KLHL1: variants seen among roughly 807,000 people sequenced by gnomAD.
The protein encoded by KLHL1 is kelch like family member 1, also known as kelch-like protein 1.
Under a neutral mutation model 77.7 loss-of-function variants are expected in KLHL1, and 47 were observed. That is an observed-to-expected ratio of 0.60 (90% CI 0.48 to 0.77). The LOEUF is 0.77. KLHL1 is among the 30% of genes least tolerant of loss of function. The probability of loss-of-function intolerance (pLI) is 0.00; values close to 1 mark genes in which losing one functional copy is unlikely to be tolerated. For missense variants in KLHL1, 925 were observed against 910.8 expected (o/e 1.02, Z -0.20); for synonymous variants, 360 against 325.2 (o/e 1.11, Z -1.15).
At chr13:69,807,109 G>A (rs1172807537) in intron 6 of KLHL1, among the ~76,000 whole-genome samples, 7 of 152,140 alleles carry the variant, frequency 4.6e-5, no homozygotes, top group Non-Finnish European at 7.3e-5. Flanking sequence ...ACTGTCACCT[G>A]ATCAAGGACT....
Position 69,882,468 on chromosome 13 carries a change from G to T in KLHL1, c.1042C>A (p.Gln348Lys), listed in dbSNP as rs1202021386. ...MENIMEVIRN[Q>K]EFLLLPAEEL... is the part of the protein sequence containing the mutation. ...TCAGCTGGAAGGAGTAAAAACTCTT[G>T]ATTTCTGATAACTTCCATTATGTTT... Residue 348 changes from glutamine to lysine, a missense_variant, in exon 5 of 11, where the codon CAA (glutamine) becomes AAA (lysine). Physicochemically the swap from Gln to Lys is moderately conservative, Grantham distance 53. Transcript: ENST00000377844. 1 of 1,613,200 alleles carries T rather than the reference G, an allele frequency of 6.2e-7. No individual in the cohort carries two copies. The highest frequency in any genetic ancestry group is 1.7e-5 in the Admixed American group (1 of 60,010).
At chr13:69,949,469 G>T (rs74090639) in intron 3 of KLHL1, among the ~76,000 whole-genome samples, 1 of 151,540 alleles carries the variant, frequency 6.6e-6, no homozygotes, top group East Asian at 1.9e-4. Flanking sequence ...CATTATCAAC[G>T]TGACTTATCA....
At chr13:69,997,210 G>T in intron 1 of KLHL1, among the ~76,000 whole-genome samples, 1 of 151,556 alleles carries the variant, frequency 6.6e-6, no homozygotes, top group Admixed American at 6.6e-5. Flanking sequence ...TACAGAGTGA[G>T]ACTCTGTCTC....
At chr13:69,781,768 T>C (rs1309443700) in intron 7 of KLHL1, among the ~76,000 whole-genome samples, 1 of 152,184 alleles carries the variant, frequency 6.6e-6, no homozygotes, top group Non-Finnish European at 1.5e-5. Context: ...TTTTAGAAGC[T>C]CTGTGTTGTA....
At chr13:69,982,188 C>T (rs1884728891) in intron 1 of KLHL1, among the ~76,000 whole-genome samples, 1 of 151,800 alleles carries the variant, frequency 6.6e-6, no homozygotes, top group Admixed American at 6.6e-5. Flanking sequence ...AATCCTAGCA[C>T]TTTGGGAGGC....
chr13:70,107,999 A>T lies in KLHL1; in HGVS notation c.-300T>A, dbSNP rs1888119008. On this transcript the variant is annotated 5_prime_UTR_variant, in exon 1 of 11. Coordinates refer to ENST00000377844, the MANE Select transcript of KLHL1 (RefSeq NM_020866.3). ...GCTGAGAATCCTCGATGCCCGCGCGAGAGCCCCGTGTTATGGCGAGGTGGG... is the reference window on the plus strand; with the variant it reads ...GCTGAGAATCCTCGATGCCCGCGCGTGAGCCCCGTGTTATGGCGAGGTGGG... 2.2e-6 allele frequency: 1 copy of T among 444,934 alleles called. No individual in the cohort carries two copies. The highest frequency in any genetic ancestry group is 3.9e-6 in the Non-Finnish European group (1 of 253,246). 27.6% of individuals were successfully genotyped at this position (444,934 alleles called of 1,614,324 possible).
chr13:69,999,099 A>C (rs1025680029), intron 1 of KLHL1, among the ~76,000 whole-genome samples: 3 of 152,104 alleles, frequency 2.0e-5, no homozygotes, highest in African/African-American at 7.2e-5. Flanking sequence ...AGGATATATT[A>C]TCTACATGTA....
intron 5 of KLHL1, among the ~76,000 whole-genome samples, chr13:69,853,639 G>T (rs1879779868): frequency 6.6e-6 from 1 of 151,886 alleles, no homozygotes; most frequent in Admixed American, 6.6e-5. Flanking sequence ...GAAGATAAGT[G>T]TTTAAAGTGG....
rs181081363 is a variant in KLHL1 at position 69,889,571 on chromosome 13, T to C, written c.1015-7076A>G. ...CTTACTTTGACCTATGTAACATATA[T>C]GCACCCTTACTCTTAAGGTGCTCAC... On this transcript the variant is annotated intron_variant, in intron 4 of 10. Coordinates refer to ENST00000377844, the MANE Select transcript of KLHL1 (RefSeq NM_020866.3). Among the ~76,000 whole-genome samples the C allele has an allele frequency of 4.4e-4, 67 of 152,242 alleles. No individual in the cohort carries two copies. The East Asian group carries it at 0.011, about 25-fold the overall frequency.
chr13:69,874,794 A>T (rs1289922212), intron 5 of KLHL1, among the ~76,000 whole-genome samples: 1 of 152,104 alleles, frequency 6.6e-6, no homozygotes, highest in Non-Finnish European at 1.5e-5. Flanking sequence ...ATGGCTGAAG[A>T]ATACTGACAG....
intron 5 of KLHL1, among the ~76,000 whole-genome samples, chr13:69,847,606 T>A (rs1879521360): frequency 6.6e-6 from 1 of 151,440 alleles, no homozygotes; most frequent in African/African-American, 2.4e-5. Flanking sequence ...TAAAACTATA[T>A]CCTTGGGCTA....
At chr13:69,852,131 C>T (rs1052108611) in intron 5 of KLHL1, among the ~76,000 whole-genome samples, 4 of 151,862 alleles carry the variant, frequency 2.6e-5, no homozygotes, top group African/African-American at 7.2e-5. Context: ...AGAGTAAGCA[C>T]GCACAGCCTT....
chr13:69,801,745 T>A (rs745770048), intron 6 of KLHL1, among the ~76,000 whole-genome samples: 35 of 152,306 alleles, frequency 2.3e-4, no homozygotes, highest in South Asian at 1.0e-3. Flanking sequence ...ATAAACTTGA[T>A]AATTTATTAT....
intron 5 of KLHL1, among the ~76,000 whole-genome samples, chr13:69,877,307 A>C: frequency 6.6e-6 from 1 of 152,174 alleles, no homozygotes; most frequent in East Asian, 1.9e-4. Context: ...ACTACAAAGA[A>C]ATATCTTATG....
At chr13:69,946,163 T>C (rs970312379) in intron 3 of KLHL1, among the ~76,000 whole-genome samples, 1 of 152,174 alleles carries the variant, frequency 6.6e-6, no homozygotes, top group Non-Finnish European at 1.5e-5. Flanking sequence ...AGATCACTGA[T>C]GCTTATGTAC....
intron 4 of KLHL1, among the ~76,000 whole-genome samples, chr13:69,899,740 G>A (rs1000601134): frequency 2.6e-5 from 4 of 152,020 alleles, no homozygotes; most frequent in Non-Finnish European, 5.9e-5. Context: ...GTGGGAAGGA[G>A]GTCTGGGATA....
At chr13:70,039,716 T>C (rs1886327938) in intron 1 of KLHL1, among the ~76,000 whole-genome samples, 1 of 150,174 alleles carries the variant, frequency 6.7e-6, no homozygotes, top group East Asian at 2.0e-4. Context: ...CTCTGCTCAC[T>C]GCAACCTCTG....
chr13:69,833,832 C>CAT (rs200976141), intron 6 of KLHL1, among the ~76,000 whole-genome samples: 6,606 of 147,004 alleles, frequency 0.045, 200 homozygotes, highest in African/African-American at 0.077. Context: ...CACATGTATA[C>CAT]ATATATATAT....
intron 7 of KLHL1, among the ~76,000 whole-genome samples, chr13:69,791,965 C>T (rs918283618): frequency 4.6e-5 from 7 of 152,024 alleles, no homozygotes; most frequent in Non-Finnish European, 1.0e-4. Flanking sequence ...TCCAAAGGCA[C>T]GATTAAGAAA....
Sources: gnomAD v4.1 joint callset for allele counts (sites outside exome capture counted in the v4.1 genomes callset) on GRCh38, gnomAD v4.1.1 for gene constraint, MANE v1.5 for transcripts, NCBI Gene and HGNC (gene_info 2026-07-23, HGNC 2026-07-21) for gene names.